Variants in TIMM44 observed in about 807,000 individuals in gnomAD.
TIMM44 encodes mitochondrial import inner membrane translocase subunit TIM44.
TIMM44 carries 37 observed loss-of-function variants against 63.8 expected under a neutral mutation model. The ratio of observed to expected loss-of-function variants is 0.58; its 90% CI spans 0.45 to 0.76. The LOEUF (loss-of-function observed/expected upper bound fraction) is 0.76. Ranked by LOEUF, TIMM44 falls within the 30% of genes least tolerant of loss-of-function variation. TIMM44 has a pLI of 0.00. For missense variants in TIMM44, 573 were observed against 603.8 expected (o/e 0.95, Z 0.54); for synonymous variants, 239 against 245.1 (o/e 0.98, Z 0.23).
intron 10 of TIMM44, among the ~76,000 whole-genome samples, chr19:7,929,119 A>G (rs1983905357): frequency 6.6e-6 from 1 of 152,110 alleles, no homozygotes; most frequent in Non-Finnish European, 1.5e-5. Context: ...AAGCCAGGGG[A>G]AAGAAACACA....
Position 7,933,760 on chromosome 19 carries a change from C to T in TIMM44, c.683+104G>A. The T allele has an allele frequency of 6.4e-7, 1 of 1,562,310 alleles. No individual in the cohort carries two copies. The highest frequency in any genetic ancestry group is 1.1e-5 in the South Asian group (1 of 89,498). ...CCGGGAACCTTGGGCAGAAGGCAAA[C>T]TCAAGAAACGGACTCAGGAGGGAAC... On this transcript the variant is annotated intron_variant, in intron 6 of 12. Coordinates refer to ENST00000270538, the MANE Select transcript of TIMM44 (RefSeq NM_006351.4). This position sits in a 1 kb window ranked among gnomAD's most constrained non-coding sequence, Gnocchi z 4.3.
At position 7,932,721 on chromosome 19, in the gene TIMM44, T is replaced by G; in HGVS notation, c.893A>C (p.Glu298Ala). 6.2e-7 allele frequency: 1 copy of G among 1,614,106 alleles called. No individual in the cohort carries two copies. Among genetic ancestry groups the G allele is most frequent in the Non-Finnish European group, 8.5e-7 (1 of 1,180,014 alleles). ...CACCCGGAGGATCTCCGTGAGCACCTCCGACATCTCTGTCTTGGAGAACAG... is the reference window on the plus strand; with the variant it reads ...CACCCGGAGGATCTCCGTGAGCACCGCCGACATCTCTGTCTTGGAGAACAG... ...GGLFSKTEMS[E>A]VLTEILRVDP... Residue 298 changes from glutamate (E) to alanine (A), a missense_variant, in exon 9 of 13, where the codon GAG becomes GCG. Physicochemically the swap from Glu to Ala is moderately radical, Grantham distance 107. Coordinates refer to ENST00000270538, the MANE Select transcript of TIMM44 (RefSeq NM_006351.4).
rs1212834378 is a variant in TIMM44 at position 7,934,348 on chromosome 19, G to A, written c.394-110C>T. The A allele has an allele frequency of 4.3e-6, 6 of 1,396,728 alleles. No individual in the cohort carries two copies. The highest frequency in any genetic ancestry group is 1.4e-5 in the African/African-American group (1 of 70,728). The allele number at this position is 1,396,728 out of a possible 1,614,324, so 86.5% of individuals were successfully genotyped here. Reference sequence around the variant, plus strand: ...GAGAAGGGCGGATCTGGTTCCCCGAGGCCGGCAGAGGCCTTCTGTGCTCCT... The same window carrying A: ...GAGAAGGGCGGATCTGGTTCCCCGAAGCCGGCAGAGGCCTTCTGTGCTCCT... On this transcript the variant is annotated intron_variant, in intron 4 of 12. Coordinates refer to ENST00000270538, the MANE Select transcript of TIMM44 (RefSeq NM_006351.4). The surrounding 1 kb of genome is among the most constrained non-coding windows in gnomAD (Gnocchi z 5.3).
chr19:7,933,475 C>A lies in TIMM44; in HGVS notation c.769+10G>T. 1 of 1,613,506 alleles carries A rather than the reference C, an allele frequency of 6.2e-7. No homozygotes were observed. Among genetic ancestry groups the A allele is most frequent in the South Asian group, 1.1e-5 (1 of 91,080 alleles). On this transcript the variant is annotated intron_variant, in intron 7 of 12. Coordinates refer to ENST00000270538, the MANE Select transcript of TIMM44 (RefSeq NM_006351.4). The surrounding 1 kb of genome is among the most constrained non-coding windows in gnomAD (Gnocchi z 4.3). ...CACAGTCACCTGCCCTCCAAGACACCTTCACTCACGGTTAAACACCACGTT... is the reference window on the plus strand; with the variant it reads ...CACAGTCACCTGCCCTCCAAGACACATTCACTCACGGTTAAACACCACGTT...
rs140141363 is a variant in TIMM44 at position 7,938,504 on chromosome 19, C to T, written c.142-307G>A. On this transcript the variant is annotated intron_variant, in intron 2 of 12. Transcript: ENST00000270538. ...AGTTTTAAGACCAACCTGGGCAACA[C>T]AGCACCCTATTTAAAAAACAGGCTG... Among the ~76,000 whole-genome samples the T allele has an allele frequency of 4.7e-3, 710 of 152,200 alleles. 5 individuals are homozygous for T. Among genetic ancestry groups the T allele is most frequent in the African/African-American group, 0.016 (670 of 41,534 alleles).
At position 7,935,160 on chromosome 19, in the gene TIMM44, C is replaced by T. The variant is rs35989631; in HGVS notation, c.313-15G>A. 0.27 allele frequency: 417,062 copies of T among 1,541,500 alleles called. 60,297 individuals are homozygous for T. Among genetic ancestry groups the T allele is most frequent in the Non-Finnish European group, 0.3 (336,306 of 1,129,292 alleles). The stretch of plus-strand genomic sequence containing the variant: ...TCGATGGTTTTCTAGGTAAAGAGCG[C>T]TGTGTCCTTTTTTTTTTTTTTTTTT... On this transcript the variant is annotated splice_polypyrimidine_tract_variant and intron_variant, in intron 3 of 12. Coordinates refer to ENST00000270538, the MANE Select transcript of TIMM44 (RefSeq NM_006351.4).
At chr19:7,930,319 T>C (rs1440279930) in intron 10 of TIMM44, among the ~76,000 whole-genome samples, 94 of 140,650 alleles carry the variant, frequency 6.7e-4, no homozygotes, top group Non-Finnish European at 6.9e-4. Context: ...TTTTTTTTTT[T>C]TTTTTTGGAG....
Position 7,943,579 on chromosome 19 carries a change from G to T in TIMM44, c.45+28C>A. ...GAAGGCCCAGAAGACCCCTAAGCTC[G>T]CCCTGCCAGCGCCGCACCGCCGCTC... is the stretch of plus-strand genomic sequence containing the variant. On this transcript the variant is annotated intron_variant, in intron 1 of 12. Coordinates refer to ENST00000270538, the MANE Select transcript of TIMM44 (RefSeq NM_006351.4). This position sits in a 1 kb window ranked among gnomAD's most constrained non-coding sequence, Gnocchi z 4.3. The T allele has an allele frequency of 6.4e-7, 1 of 1,563,036 alleles. No homozygotes were observed.
chr19:7,937,671 C>T, intron 3 of TIMM44: 1 of 328,110 alleles, frequency 3.0e-6, no homozygotes, highest in East Asian at 8.4e-5. Flanking sequence ...TCTGGCTGTC[C>T]CTGGCCTGGA....
chr19:7,926,952 T>C lies in TIMM44; in HGVS notation c.*235A>G. The C allele has an allele frequency of 1.8e-6, 1 of 561,126 alleles. No individual in the cohort carries two copies. Among genetic ancestry groups the C allele is most frequent in the Non-Finnish European group, 3.2e-6 (1 of 315,370 alleles). The allele number at this position is 561,126 out of a possible 1,614,324, so 34.8% of individuals were successfully genotyped here. ...CCAGGTGACCAGGCGCCGGGACCCC[T>C]GCAGGGCAGAGCAACAGGGCAGGGG... On this transcript the variant is annotated 3_prime_UTR_variant, in exon 13 of 13. Coordinates refer to ENST00000270538, the MANE Select transcript of TIMM44 (RefSeq NM_006351.4).
rs762936464 is a variant in TIMM44 at position 7,934,287 on chromosome 19, C to G, written c.394-49G>C. ...GGGCGTTGGCACCGGCCCTGGCGGCCGGGGGGCGGGGCAGGAGGAATGAAT... is the reference window on the plus strand; with the variant it reads ...GGGCGTTGGCACCGGCCCTGGCGGCGGGGGGGCGGGGCAGGAGGAATGAAT... On this transcript the variant is annotated intron_variant, in intron 4 of 12. Transcript: ENST00000270538. This position sits in a 1 kb window ranked among gnomAD's most constrained non-coding sequence, Gnocchi z 5.3. The G allele has an allele frequency of 5.0e-6, 8 of 1,602,270 alleles. No homozygotes were observed. Among genetic ancestry groups the G allele is most frequent in the East Asian group, 2.2e-5 (1 of 44,856 alleles).
intron 9 of TIMM44, chr19:7,932,261 G>A (rs1246050627): frequency 9.4e-6 from 3 of 318,576 alleles, no homozygotes; most frequent in Non-Finnish European, 1.8e-5. Context: ...GTGGCCTGGG[G>A]CCAGCTCTGA....
intron 11 of TIMM44, 44 bp from the exon 12 acceptor site, chr19:7,927,811 C>T (rs1422935146): frequency 1.0e-5 from 16 of 1,585,198 alleles, no homozygotes; most frequent in Non-Finnish European, 1.2e-5. Flanking sequence ...GAGGACAGCC[C>T]GGCTGCTCCC....
intron 2 of TIMM44, among the ~76,000 whole-genome samples, chr19:7,940,832 G>T (rs916702974): frequency 6.6e-6 from 1 of 151,986 alleles, no homozygotes; most frequent in African/African-American, 2.4e-5. Flanking sequence ...CAATACAGGG[G>T]TCTCTTCCAA....
Position 7,933,756 on chromosome 19 carries a change from C to A in TIMM44, c.683+108G>T. The A allele has an allele frequency of 1.3e-6, 2 of 1,549,002 alleles. No individual in the cohort carries two copies. The highest frequency in any genetic ancestry group is 1.8e-6 in the Non-Finnish European group (2 of 1,128,748). On this transcript the variant is annotated intron_variant, in intron 6 of 12. Coordinates refer to ENST00000270538, the MANE Select transcript of TIMM44 (RefSeq NM_006351.4). This position sits in a 1 kb window ranked among gnomAD's most constrained non-coding sequence, Gnocchi z 4.3. ...GGAGCCGGGAACCTTGGGCAGAAGG[C>A]AAACTCAAGAAACGGACTCAGGAGG...
intron 9 of TIMM44, 22 bp from the exon 10 acceptor site, chr19:7,931,210 G>A (rs376241354): frequency 2.0e-5 from 32 of 1,611,516 alleles, no homozygotes; most frequent in Middle Eastern, 1.7e-4. Flanking sequence ...GGGAAAATAA[G>A]CACCAGAACG....
At chr19:7,936,933 T>C (rs1984172013) in intron 3 of TIMM44, among the ~76,000 whole-genome samples, 1 of 151,614 alleles carries the variant, frequency 6.6e-6, no homozygotes, top group South Asian at 2.1e-4. Context: ...AAACCCTGTC[T>C]TTACTAAAAA....
At chr19:7,941,737 T>TG (rs1984317981) in intron 1 of TIMM44, among the ~76,000 whole-genome samples, 1 of 151,940 alleles carries the variant, frequency 6.6e-6, no homozygotes, top group African/African-American at 2.4e-5. Context: ...CCCCTGAAAC[T>TG]GGGGGAAAAC....
intron 2 of TIMM44, 66 bp downstream of exon 2, chr19:7,941,036 G>A: frequency 7.6e-7 from 1 of 1,323,166 alleles, no homozygotes; most frequent in Non-Finnish European, 1.1e-6. Flanking sequence ...CCTCCCTCCT[G>A]CCAATGGGAT....
Sources: allele counts gnomAD v4.1 joint callset (sites outside exome capture counted in the v4.1 genomes callset), GRCh38; gene constraint gnomAD v4.1.1; non-coding constraint Gnocchi (gnomAD v3.1); transcripts MANE v1.5; gene names NCBI Gene and HGNC (gene_info 2026-07-23, HGNC 2026-07-21).